Variants in MYO6 observed in about 807,000 individuals in gnomAD.
MYO6 encodes myosin VI.
MYO6 carries 74 observed loss-of-function variants against 178.7 expected under a neutral mutation model. The observed-to-expected ratio is 0.41, with a 90% CI of 0.34 to 0.50. The LOEUF (loss-of-function observed/expected upper bound fraction) is 0.50, where lower values mean the gene tolerates loss of function less well. Ranked by LOEUF, MYO6 falls within the 20% of genes least tolerant of loss-of-function variation. The pLI is 0.09. For synonymous variants in MYO6, 477 were observed against 504.6 expected (o/e 0.95, Z 0.73); for missense variants, 1,330 against 1,547.4 (o/e 0.86, Z 2.36).
chr6:75,881,940 C>T, intron 23 of MYO6, 122 bp downstream of exon 23: 1 of 1,113,444 alleles, frequency 9.0e-7, no homozygotes, highest in Non-Finnish European at 1.3e-6. Context: ...CACACTGGGT[C>T]CCAGGTTCCT....
intron 6 of MYO6, among the ~76,000 whole-genome samples, chr6:75,835,262 C>T (rs1773525366): frequency 6.6e-6 from 1 of 152,054 alleles, no homozygotes; most frequent in South Asian, 2.1e-4. Flanking sequence ...AAAACAATGT[C>T]AATTAGATGT....
At chr6:75,873,176 A>G (rs1482645664) in intron 19 of MYO6, 31 bp from the exon 20 acceptor site, 1 of 1,541,888 alleles carries the variant, frequency 6.5e-7, no homozygotes, top group African/African-American at 1.4e-5. Flanking sequence ...TGCTATATGT[A>G]TTGTAACAAA....
intron 18 of MYO6, among the ~76,000 whole-genome samples, chr6:75,867,802 G>T (rs998992380): frequency 2.0e-5 from 3 of 151,994 alleles, no homozygotes; most frequent in African/African-American, 4.8e-5. Context: ...ATTCTTCAAG[G>T]TCTGACATGG....
chr6:75,798,541 G>A (rs1318897564), intron 1 of MYO6, among the ~76,000 whole-genome samples: 1 of 152,160 alleles, frequency 6.6e-6, no homozygotes, highest in African/African-American at 2.4e-5. Flanking sequence ...CTCAATAGAG[G>A]CAGAAAAAGC....
Position 75,890,155 on chromosome 6 carries a change from G to A in MYO6, c.2757G>A (p.Gln919=). 1 of 1,613,616 alleles carries A rather than the reference G, an allele frequency of 6.2e-7. No individual in the cohort carries two copies. The highest frequency in any genetic ancestry group is 1.3e-5 in the African/African-American group (1 of 74,962). The stretch of plus-strand genomic sequence containing the variant: ...GTGCATTACAGAAAAAAAAACAGCA[G>A]GAAGAGGAAGCAGAAAGGCTGAGGC... The part of the protein sequence containing the change: ...LLSALQKKKQ[Q]EEEAERLRRI... Residue 919 remains glutamine, a synonymous_variant, in exon 26 of 35, where the codon CAG becomes CAA. Transcript: ENST00000369977.
chr6:75,913,803 G>C (rs963372551), intron 33 of MYO6, among the ~76,000 whole-genome samples: 2 of 152,080 alleles, frequency 1.3e-5, no homozygotes, highest in African/African-American at 4.8e-5. Flanking sequence ...ACAGGGGTTT[G>C]TTGCTGGTAG....
At chr6:75,785,627 T>G (rs1239020247) in intron 1 of MYO6, among the ~76,000 whole-genome samples, 1 of 151,758 alleles carries the variant, frequency 6.6e-6, no homozygotes, top group Admixed American at 6.6e-5. Flanking sequence ...TGCCTGGCTT[T>G]TGCGTTCTGT....
chr6:75,824,935 T>G (rs1477489087), intron 3 of MYO6, among the ~76,000 whole-genome samples: 1 of 152,080 alleles, frequency 6.6e-6, no homozygotes, highest in Non-Finnish European at 1.5e-5. Flanking sequence ...AATTTTTGTA[T>G]TTTTAGTAGA....
intron 18 of MYO6, among the ~76,000 whole-genome samples, chr6:75,869,885 G>A (rs552903570): frequency 9.3e-4 from 141 of 152,092 alleles, no homozygotes; most frequent in African/African-American, 3.2e-3. Flanking sequence ...AGGCTGAGGC[G>A]TGTGGATCAC....
intron 1 of MYO6, among the ~76,000 whole-genome samples, chr6:75,788,327 G>A (rs1346833523): frequency 6.6e-6 from 1 of 151,808 alleles, no homozygotes; most frequent in African/African-American, 2.4e-5. Context: ...TCGTGCCACT[G>A]CACTCCAGCC....
intron 1 of MYO6, among the ~76,000 whole-genome samples, chr6:75,780,970 A>G (rs62414771): frequency 0.034 from 5,095 of 151,892 alleles, 140 homozygotes; most frequent in Non-Finnish European, 0.051. Flanking sequence ...ACACCACCAC[A>G]CCTGGCTAAT....
At chr6:75,782,426 G>T (rs973218971) in intron 1 of MYO6, among the ~76,000 whole-genome samples, 1 of 151,648 alleles carries the variant, frequency 6.6e-6, no homozygotes, top group Non-Finnish European at 1.5e-5. Context: ...TTTTGGAAGG[G>T]GCAGGACAGC....
chr6:75,782,714 G>C (rs1236433737), intron 1 of MYO6, among the ~76,000 whole-genome samples: 1 of 151,922 alleles, frequency 6.6e-6, no homozygotes, highest in Non-Finnish European at 1.5e-5. Flanking sequence ...CTGTGTTTAT[G>C]TGTCCTTGTT....
At chr6:75,889,166 C>T (rs985706838) in intron 25 of MYO6, among the ~76,000 whole-genome samples, 2 of 151,976 alleles carry the variant, frequency 1.3e-5, no homozygotes, top group Non-Finnish European at 2.9e-5. Flanking sequence ...AAAAAAAGAT[C>T]TGGAGGAAAA....
At chr6:75,909,067 A>G (rs1780565396) in intron 32 of MYO6, among the ~76,000 whole-genome samples, 1 of 152,116 alleles carries the variant, frequency 6.6e-6, no homozygotes, top group African/African-American at 2.4e-5. Flanking sequence ...TATTTTTTAA[A>G]TAAATAGAGA....
chr6:75,773,723 T>C (rs1375585701), intron 1 of MYO6, among the ~76,000 whole-genome samples: 5 of 152,112 alleles, frequency 3.3e-5, no homozygotes, highest in Admixed American at 6.6e-5. Context: ...TATGAAACCA[T>C]ATTAGAGAGG....
Position 75,881,821 on chromosome 6 carries a change from A to G in MYO6, c.2416+3A>G. On this transcript the variant is annotated splice_donor_region_variant and intron_variant, in intron 23 of 34. Coordinates refer to ENST00000369977, the MANE Select transcript of MYO6 (RefSeq NM_004999.4). ...GTGCTCACTCTCAGTCATCAAATGTAGGTGTTTTCCTTTACACCTATAGGA... is the reference window on the plus strand; with the variant it reads ...GTGCTCACTCTCAGTCATCAAATGTGGGTGTTTTCCTTTACACCTATAGGA... 1.2e-6 allele frequency: 2 copies of G among 1,613,428 alleles called. No homozygotes were observed. Among genetic ancestry groups the G allele is most frequent in the Non-Finnish European group, 1.7e-6 (2 of 1,179,502 alleles).
chr6:75,825,674 C>A (rs188507562), intron 3 of MYO6, among the ~76,000 whole-genome samples: 61 of 152,262 alleles, frequency 4.0e-4, no homozygotes, highest in African/African-American at 1.5e-3. Context: ...ACTTCTACAA[C>A]AACATATATT....
Position 75,884,046 on chromosome 6 carries a change from A to C in MYO6, c.2417-1958A>C, listed in dbSNP as rs193204154. ...GAAACATCTTTATTACTGTAGTTTA[A>C]TACGTTCAGCTTTACACATTGCATT... On this transcript the variant is annotated intron_variant, in intron 23 of 34. Transcript: ENST00000369977. Among the ~76,000 whole-genome samples, 173 of 152,358 alleles carry C rather than the reference A, an allele frequency of 1.1e-3. 2 individuals carry two copies. The highest frequency in any genetic ancestry group is 4.0e-3 in the African/African-American group (165 of 41,588).
Sources: gnomAD v4.1 joint callset for allele counts (sites outside exome capture counted in the v4.1 genomes callset) on GRCh38, gnomAD v4.1.1 for gene constraint, MANE v1.5 for transcripts, NCBI Gene and HGNC (gene_info 2026-07-23, HGNC 2026-07-21) for gene names.